ELSPBP1: variants seen among roughly 807,000 people sequenced by gnomAD.
ELSPBP1 encodes the protein epididymal sperm-binding protein 1.
A neutral mutation model predicts 33.3 loss-of-function variants in ELSPBP1; 38 were observed. The ratio of observed to expected loss-of-function variants is 1.14; its 90% CI spans 0.88 to 1.50. The LOEUF is 1.50. Ranked by LOEUF, ELSPBP1 falls within the 40% of genes most tolerant of loss-of-function variation. The pLI is 0.00. For missense variants in ELSPBP1, 267 were observed against 263.5 expected (o/e 1.01, Z -0.09); for synonymous variants, 85 against 94.1 (o/e 0.90, Z 0.56).
chr19:48,008,211 A>ATG (rs528691779), intron 1 of ELSPBP1, among the ~76,000 whole-genome samples: 4,127 of 151,826 alleles, frequency 0.027, 70 homozygotes, highest in Non-Finnish European at 0.043. Context: ...GTAGAAACAT[A>ATG]TGTGTGTGTG....
chr19:48,023,208 G>A (rs1375109222), intron 6 of ELSPBP1, among the ~76,000 whole-genome samples: 1 of 134,730 alleles, frequency 7.4e-6, no homozygotes, highest in African/African-American at 2.8e-5. Flanking sequence ...AAGGAAGGAA[G>A]GAGGGAAGGA....
intron 6 of ELSPBP1, among the ~76,000 whole-genome samples, chr19:48,024,037 T>C (rs1294710058): frequency 7.2e-4 from 4 of 5,526 alleles, no homozygotes; most frequent in African/African-American, 1.8e-3. Context: ...TGCCCAGCAA[T>C]TTTTTTTTTT....
In ELSPBP1 at chr19:47,994,732, A is replaced by G. The variant is rs1433643553; in HGVS notation, c.-97A>G. 6.6e-6 allele frequency: 1 copy of G among 152,238 alleles called. No individual in the cohort carries two copies. The highest frequency in any genetic ancestry group is 6.5e-5 in the Admixed American group (1 of 15,288). The allele number at this position is 152,238 out of a possible 1,614,324, so 9.4% of individuals were successfully genotyped here. On this transcript the variant is annotated 5_prime_UTR_variant, in exon 1 of 7. Coordinates refer to ENST00000339841, the MANE Select transcript of ELSPBP1 (RefSeq NM_022142.5). Reference sequence around the variant, plus strand: ...GGCCAAAGCCATTCAACCAATCCCCAGATAATCCAGAGCTCTTGGGAGCAG... The same window carrying G: ...GGCCAAAGCCATTCAACCAATCCCCGGATAATCCAGAGCTCTTGGGAGCAG...
chr19:47,999,821 GATT>G (rs1966949444), intron 1 of ELSPBP1, among the ~76,000 whole-genome samples: 1 of 149,500 alleles, frequency 6.7e-6, no homozygotes, highest in Non-Finnish European at 1.5e-5. Context: ...TCACATACGT[GATT>G]TTTTTTTTTT....
At chr19:48,023,354 AAGGAAGGGAGGAAGG>A (rs1967225175) in intron 6 of ELSPBP1, among the ~76,000 whole-genome samples, 5 of 120,534 alleles carry the variant, frequency 4.1e-5, no homozygotes, top group African/African-American at 1.1e-4. Context: ...GGAAGGAAAG[AAGGAAGGGAGGAAGG>A]AAGAGAGGAA....
intron 6 of ELSPBP1, among the ~76,000 whole-genome samples, chr19:48,023,490 G>GGAAGGAAGGGAGGGAA (rs375435091): frequency 3.0e-4 from 27 of 90,014 alleles, no homozygotes; most frequent in South Asian, 4.5e-4. Context: ...AGGGAAGGGA[G>GGAAGGAAGGGAGGGAA]GGAGGGAAGG....
chr19:48,016,372 CCTTCCTTCCTTCCTTG>C (rs957583974), intron 4 of ELSPBP1, among the ~76,000 whole-genome samples: 9 of 151,840 alleles, frequency 5.9e-5, no homozygotes, highest in Admixed American at 3.9e-4. Context: ...CCTTTTCTTT[CCTTCCTTCCTTCCTTG>C]CTTCCTTCCT....
intron 6 of ELSPBP1, among the ~76,000 whole-genome samples, chr19:48,024,384 A>T (rs187477810): frequency 0.011 from 1,720 of 152,270 alleles, 32 homozygotes; most frequent in African/African-American, 0.038. Flanking sequence ...AATCTAAATA[A>T]AAAAAGAGAA....
intron 3 of ELSPBP1, among the ~76,000 whole-genome samples, 190 bp from the exon 4 acceptor site, chr19:48,015,703 C>A (rs564715227): frequency 6.6e-6 from 1 of 152,154 alleles, no homozygotes; most frequent in East Asian, 1.9e-4. Flanking sequence ...TAAGTGGACC[C>A]GAGTTCAAAC....
intron 4 of ELSPBP1, among the ~76,000 whole-genome samples, chr19:48,016,464 C>CTTT (rs1568407327): frequency 7.5e-4 from 12 of 15,966 alleles, no homozygotes; most frequent in Admixed American, 1.6e-3. Flanking sequence ...TCTTTTCTTT[C>CTTT]CTTCTTTCTT....
At chr19:48,024,014 G>T (rs1014877534) in intron 6 of ELSPBP1, among the ~76,000 whole-genome samples, 3 of 150,914 alleles carry the variant, frequency 2.0e-5, no homozygotes, top group African/African-American at 7.3e-5. Flanking sequence ...GGGATTACAG[G>T]GGTGTGCCAC....
intron 1 of ELSPBP1, among the ~76,000 whole-genome samples, chr19:48,006,621 CAA>C (rs1190341508): frequency 5.3e-4 from 11 of 20,882 alleles, no homozygotes; most frequent in Admixed American, 1.8e-3. Flanking sequence ...GACCCTGTCT[CAA>C]AAAAAAAAAA....
At chr19:47,995,726 T>G (rs1966906201) in intron 1 of ELSPBP1, among the ~76,000 whole-genome samples, 1 of 152,224 alleles carries the variant, frequency 6.6e-6, no homozygotes, top group South Asian at 2.1e-4. Context: ...TGTGTGCCTG[T>G]AATTATTCAC....
intron 1 of ELSPBP1, among the ~76,000 whole-genome samples, chr19:47,997,901 TCTC>T (rs1226331540): frequency 6.6e-6 from 1 of 152,170 alleles, no homozygotes; most frequent in East Asian, 1.9e-4. Flanking sequence ...TGGAAAGAAG[TCTC>T]CTATTTACCC....
intron 5 of ELSPBP1, among the ~76,000 whole-genome samples, chr19:48,020,615 A>C (rs1967188625): frequency 6.6e-6 from 1 of 152,192 alleles, no homozygotes; most frequent in Non-Finnish European, 1.5e-5. Flanking sequence ...AAAGATGAGG[A>C]CACTGGAATT....
chr19:47,997,862 A>T (rs1283486527), intron 1 of ELSPBP1, among the ~76,000 whole-genome samples: 4 of 152,218 alleles, frequency 2.6e-5, no homozygotes, highest in Non-Finnish European at 5.9e-5. Context: ...TTAAAGACAT[A>T]AGTCACACAT....
chr19:48,017,766 C>G (rs1010098695), intron 4 of ELSPBP1, among the ~76,000 whole-genome samples: 3 of 151,604 alleles, frequency 2.0e-5, no homozygotes, highest in Admixed American at 2.0e-4. Flanking sequence ...CATGGTGGTG[C>G]GTGCCTGTAG....
rs552657823 is a variant in ELSPBP1 at position 48,012,205 on chromosome 19, G to A, written c.71-1966G>A. Reference sequence around the variant, plus strand: ...CAGTGGTGCAATCATGGCTCACTGTGGCCTCAACTACTCAGGCTCAAAGGG... The same window carrying A: ...CAGTGGTGCAATCATGGCTCACTGTAGCCTCAACTACTCAGGCTCAAAGGG... On this transcript the variant is annotated intron_variant, in intron 2 of 6. Transcript: ENST00000339841. Among the ~76,000 whole-genome samples the A allele has an allele frequency of 2.0e-5, 3 of 152,180 alleles. No individual in the cohort carries two copies. The South Asian group carries it at 6.2e-4, about 32-fold the overall frequency.
intron 2 of ELSPBP1, among the ~76,000 whole-genome samples, chr19:48,009,568 TC>T (rs1967056868): frequency 6.6e-6 from 1 of 152,204 alleles, no homozygotes; most frequent in African/African-American, 2.4e-5. Flanking sequence ...GCCTGATAAA[TC>T]GTTCTCCTCT....
Sources: gnomAD v4.1 joint callset for allele counts (sites outside exome capture counted in the v4.1 genomes callset) on GRCh38, gnomAD v4.1.1 for gene constraint, MANE v1.5 for transcripts, NCBI Gene and HGNC (gene_info 2026-07-23, HGNC 2026-07-21) for gene names.